TNFRSF10D: variants seen among roughly 807,000 people sequenced by gnomAD.
TNFRSF10D encodes TNF receptor superfamily member 10d.
In TNFRSF10D, 28 loss-of-function variants were observed where a neutral mutation model predicts 42.1. The ratio of observed to expected loss-of-function variants is 0.66; its 90% CI spans 0.49 to 0.91. TNFRSF10D has a LOEUF of 0.91. Among genes scored for constraint, TNFRSF10D ranks in the 40% least tolerant of loss-of-function variants. TNFRSF10D has a pLI of 0.00. For synonymous variants in TNFRSF10D, 186 were observed against 189.4 expected (o/e 0.98, Z 0.15); for missense variants, 503 against 486.1 (o/e 1.03, Z -0.33).
intron 2 of TNFRSF10D, 53 bp downstream of exon 2, chr8:23,154,820 AC>A: frequency 6.6e-7 from 1 of 1,526,326 alleles, no homozygotes. Context: ...ATGAATATAT[AC>A]AATGTTTATC....
chr8:23,154,779 G>T, intron 2 of TNFRSF10D, 95 bp downstream of exon 2: 1 of 1,297,104 alleles, frequency 7.7e-7, no homozygotes, highest in Non-Finnish European at 1.1e-6. Flanking sequence ...TTCACAATGC[G>T]TGCATATTTC....
chr8:23,138,105 C>A, intron 8 of TNFRSF10D, 83 bp downstream of exon 8: 1 of 1,609,190 alleles, frequency 6.2e-7, no homozygotes, highest in Non-Finnish European at 8.5e-7. Flanking sequence ...TCCAGAAGAG[C>A]CCTCTCAGCT....
intron 1 of TNFRSF10D, among the ~76,000 whole-genome samples, chr8:23,161,909 G>GA (rs1800372544): frequency 6.6e-6 from 1 of 152,192 alleles, no homozygotes; most frequent in Non-Finnish European, 1.5e-5. Context: ...TGCCCAATAA[G>GA]CTGGTGCGCA....
rs185133635 is a variant in TNFRSF10D at position 23,151,232 on chromosome 8, G to C, written c.257-2681C>G. 6.5e-4 allele frequency among the ~76,000 whole-genome samples: 99 copies of C among 152,212 alleles called. No individual in the cohort carries two copies. The Middle Eastern group carries it at 0.017, about 27-fold the overall frequency. On this transcript the variant is annotated intron_variant, in intron 2 of 8. Transcript: ENST00000312584. ...TCTCAGCAGAAAACCTACAGGCCAGGAGAGAGTGGAATCATACAAAGTACA... is the reference window on the plus strand; with the variant it reads ...TCTCAGCAGAAAACCTACAGGCCAGCAGAGAGTGGAATCATACAAAGTACA...
rs774155245 is a variant in TNFRSF10D, at chr8:23,144,603, T to A, written c.801A>T (p.Arg267=). 6.2e-7 allele frequency: 1 copy of A among 1,614,090 alleles called. No homozygotes were observed. The highest frequency in any genetic ancestry group is 1.7e-5 in the Admixed American group (1 of 60,010). Residue 267 remains arginine (R), a synonymous_variant, in exon 7 of 9, where the codon CGA becomes CGT. Coordinates refer to ENST00000312584, the MANE Select transcript of TNFRSF10D (RefSeq NM_003840.5). ...VLFRRRSCPS[R]VPGAEDNARN... Reference sequence around the variant, plus strand: ...GGGCATTGTCCTCCGCCCCAGGAACTCGTGAAGGACATGAACGCCGCCGGA... The same window carrying A: ...GGGCATTGTCCTCCGCCCCAGGAACACGTGAAGGACATGAACGCCGCCGGA...
chr8:23,140,006 G>A (rs769039423), intron 7 of TNFRSF10D, among the ~76,000 whole-genome samples: 3 of 151,918 alleles, frequency 2.0e-5, no homozygotes, highest in Non-Finnish European at 2.9e-5. Flanking sequence ...TTAACGGGGC[G>A]TAGCTGGGTA....
rs114461062 is a variant in TNFRSF10D at position 23,136,358 on chromosome 8, C to T, written c.*1512G>A. The T allele has an allele frequency of 6.1e-3, 1,220 of 200,604 alleles. 1 individual carries two copies. The highest frequency in any genetic ancestry group is 0.021 in the South Asian group (271 of 12,682). 12.4% of individuals were successfully genotyped at this position (200,604 alleles called of 1,614,324 possible). The stretch of plus-strand genomic sequence containing the variant: ...TTACAGAGGGGCCAAGCTCCTCAAA[C>T]AGGGAATCTGTACCCTAAAACGCAG... On this transcript the variant is annotated 3_prime_UTR_variant, in exon 9 of 9. Coordinates refer to ENST00000312584, the MANE Select transcript of TNFRSF10D (RefSeq NM_003840.5).
intron 1 of TNFRSF10D, among the ~76,000 whole-genome samples, chr8:23,155,815 T>TTCTCTC (rs57189946): frequency 0.15 from 21,835 of 150,112 alleles, 2,127 homozygotes; most frequent in East Asian, 0.53. Flanking sequence ...TGGGTGAATA[T>TTCTCTC]TCTCTCTCTC....
chr8:23,149,018 A>G (rs183545302), intron 2 of TNFRSF10D, among the ~76,000 whole-genome samples: 4,188 of 151,290 alleles, frequency 0.028, 128 homozygotes, highest in African/African-American at 0.07. Context: ...GTGAAACCCC[A>G]TCTCTACTAA....
intron 1 of TNFRSF10D, among the ~76,000 whole-genome samples, chr8:23,162,719 G>A (rs1800388998): frequency 6.6e-6 from 1 of 152,146 alleles, no homozygotes; most frequent in Admixed American, 6.5e-5. Flanking sequence ...TCCTGCCTAT[G>A]GGATACAGAG....
intron 1 of TNFRSF10D, among the ~76,000 whole-genome samples, chr8:23,158,410 T>C (rs116435014): frequency 0.023 from 3,561 of 152,304 alleles, 135 homozygotes; most frequent in African/African-American, 0.08. Context: ...GTGGGGTATC[T>C]TTTTCCATCT....
chr8:23,154,204 G>A (rs144731432), intron 2 of TNFRSF10D, among the ~76,000 whole-genome samples: 17 of 152,334 alleles, frequency 1.1e-4, no homozygotes, highest in African/African-American at 4.1e-4. Flanking sequence ...GTGATTACCA[G>A]CGCTGTATTT....
At chr8:23,149,528 C>A (rs1387186031) in intron 2 of TNFRSF10D, among the ~76,000 whole-genome samples, 1 of 151,244 alleles carries the variant, frequency 6.6e-6, no homozygotes, top group Admixed American at 6.6e-5. Flanking sequence ...CGTGAGCCAC[C>A]ATGCCACGCC....
intron 1 of TNFRSF10D, among the ~76,000 whole-genome samples, chr8:23,162,807 T>C (rs1384225835): frequency 2.6e-5 from 4 of 151,950 alleles, no homozygotes. Flanking sequence ...CAGGGTTCTA[T>C]AGGAAATGAA....
chr8:23,149,938 C>T (rs1304553323), intron 2 of TNFRSF10D, among the ~76,000 whole-genome samples: 1 of 152,184 alleles, frequency 6.6e-6, no homozygotes, highest in African/African-American at 2.4e-5. Context: ...GGCAGGGCCT[C>T]TTATAATTAT....
In TNFRSF10D at chr8:23,163,715, C is replaced by T. The variant is rs892897246; in HGVS notation, c.150+71G>A. On this transcript the variant is annotated intron_variant, in intron 1 of 8. Transcript: ENST00000312584. ...CCGGGCCAAGCATCCCCACCGTGTC[C>T]CCCTCTCTCCCTGCCCACTCCCGGC... is the stretch of plus-strand genomic sequence containing the variant. The T allele has an allele frequency of 1.0e-5, 16 of 1,559,404 alleles. No homozygotes were observed. In the East Asian group the frequency reaches 1.9e-4, roughly 19 times the overall value.
Position 23,145,880 on chromosome 8 carries a change from C to T in TNFRSF10D, c.524G>A (p.Arg175Gln), listed in dbSNP as rs61755334. The T allele has an allele frequency of 7.3e-4, 1,181 of 1,614,122 alleles. 2 individuals carry two copies. The South Asian group carries it at 9.9e-3, about 14-fold the overall frequency. The part of the protein sequence containing the change: ...GMVKVSNCTP[R>Q]SDIKCKNESA... ...TTCATTTTTGCACTTGATGTCACTC[C>T]GGGGCGTACAATTACTGACCTTGAC... Residue 175 changes from arginine to glutamine, a missense_variant, in exon 5 of 9, where the codon CGG becomes CAG. Arg to Gln is a conservative substitution (Grantham distance 43, BLOSUM62 1). Coordinates refer to ENST00000312584, the MANE Select transcript of TNFRSF10D (RefSeq NM_003840.5).
intron 1 of TNFRSF10D, among the ~76,000 whole-genome samples, chr8:23,157,984 C>T (rs1800304601): frequency 6.6e-6 from 1 of 152,204 alleles, no homozygotes. Flanking sequence ...TGATCAGCAG[C>T]TTCCCAATAA....
chr8:23,154,657 G>C (rs551835967), intron 2 of TNFRSF10D, among the ~76,000 whole-genome samples: 6 of 152,312 alleles, frequency 3.9e-5, no homozygotes, highest in Admixed American at 3.9e-4. Context: ...GGAGGGCAAA[G>C]AGGGCTTATC....
Sources: allele counts gnomAD v4.1 joint callset (sites outside exome capture counted in the v4.1 genomes callset), GRCh38; gene constraint gnomAD v4.1.1; transcripts MANE v1.5; gene names NCBI Gene and HGNC (gene_info 2026-07-23, HGNC 2026-07-21).